The following TAF4B variants were observed in gnomAD, a reference collection of about 807,000 sequenced individuals.
TAF4B encodes the protein transcription initiation factor TFIID subunit 4B.
Under a neutral mutation model 86.4 loss-of-function variants are expected in TAF4B, and 38 were observed. That is an observed-to-expected ratio of 0.44 (90% CI 0.34 to 0.58). The LOEUF is 0.58. TAF4B is among the 20% of genes least tolerant of loss of function. TAF4B has a pLI of 0.02. For synonymous variants in TAF4B, 388 were observed against 391.2 expected (o/e 0.99, Z 0.10); for missense variants, 988 against 1,027.6 (o/e 0.96, Z 0.53).
intron 9 of TAF4B, among the ~76,000 whole-genome samples, chr18:26,299,314 A>G (rs1326074575): frequency 6.6e-6 from 1 of 152,136 alleles, no homozygotes; most frequent in Non-Finnish European, 1.5e-5. Flanking sequence ...CATCTATTTA[A>G]GGTGGTCATT....
chr18:26,256,027 C>CAAAACA, intron 1 of TAF4B: 1 of 1,257,184 alleles, frequency 8.0e-7, no homozygotes, highest in Non-Finnish European at 1.2e-6. Context: ...ATTCCTTCTG[C>CAAAACA]AGTTTACTGA....
intron 13 of TAF4B, among the ~76,000 whole-genome samples, chr18:26,357,410 C>T (rs924948314): frequency 6.6e-6 from 1 of 152,162 alleles, no homozygotes; most frequent in Non-Finnish European, 1.5e-5. Context: ...CATTTCTTAT[C>T]TGTGTTATAC....
chr18:26,319,131 T>G (rs558301470), intron 10 of TAF4B, among the ~76,000 whole-genome samples: 57 of 152,290 alleles, frequency 3.7e-4, no homozygotes, highest in Non-Finnish European at 1.9e-4. Context: ...CAGGTCGAAG[T>G]TGCAGTGGGC....
In TAF4B at chr18:26,275,005, G is replaced by T. The variant is rs1328849058; in HGVS notation, c.834G>T (p.Gln278His). 5 of 1,612,158 alleles carry T rather than the reference G, an allele frequency of 3.1e-6. No individual in the cohort carries two copies. Among genetic ancestry groups the T allele is most frequent in the Non-Finnish European group, 4.2e-6 (5 of 1,179,774 alleles). Reference protein sequence around the residue: ...MLIKLACSGSQSPEMGQNVKK... With the variant: ...MLIKLACSGSHSPEMGQNVKK... ...TAAAACTAGCATGTAGTGGATCACA[G>T]TCCCCAGAAATGGGGCAAAATGTGA... The change falls in exon 5 of 15, where the codon CAG (glutamine) becomes CAT (histidine). Residue 278 changes from glutamine (Q) to histidine (H), a missense_variant. By Grantham distance (24) the Gln-to-His change is conservative. Coordinates refer to ENST00000269142, the MANE Select transcript of TAF4B (RefSeq NM_005640.3).
At chr18:26,339,040 C>T (rs1041348617) in intron 13 of TAF4B, among the ~76,000 whole-genome samples, 12 of 152,180 alleles carry the variant, frequency 7.9e-5, no homozygotes, top group African/African-American at 2.4e-4. Flanking sequence ...ATTAACCTGA[C>T]AGGTTTTCTG....
At chr18:26,246,900 G>A (rs1242954008) in intron 1 of TAF4B, among the ~76,000 whole-genome samples, 2 of 150,292 alleles carry the variant, frequency 1.3e-5, no homozygotes, top group African/African-American at 2.5e-5. Flanking sequence ...GCCCAGGTTG[G>A]AGTGCAGTGG....
chr18:26,296,894 C>A (rs541301786), intron 9 of TAF4B, among the ~76,000 whole-genome samples: 1 of 133,922 alleles, frequency 7.5e-6, no homozygotes, highest in South Asian at 2.7e-4. Context: ...AATCCCAGCA[C>A]TTTGGGAGGC....
In TAF4B at chr18:26,346,867, A is replaced by G. The variant is rs1259282759; in HGVS notation, c.2317-10823A>G. Among the ~76,000 whole-genome samples the G allele has an allele frequency of 3.6e-3, 29 of 7,978 alleles. 2 individuals carry two copies. Among genetic ancestry groups the G allele is most frequent in the African/African-American group, 9.9e-3 (27 of 2,722 alleles). The allele number at this position is 7,978 out of a possible 152,430, so 5.2% of individuals were successfully genotyped here. ...TGTGTATATATATATATGTGTATAT[A>G]TATATATGTGTATATATATATATAT... On this transcript the variant is annotated intron_variant, in intron 13 of 14. Coordinates refer to ENST00000269142, the MANE Select transcript of TAF4B (RefSeq NM_005640.3).
chr18:26,288,589 C>T (rs1009620934), intron 7 of TAF4B, among the ~76,000 whole-genome samples: 16 of 152,048 alleles, frequency 1.1e-4, no homozygotes, highest in African/African-American at 3.6e-4. Context: ...GAGCCAAGAT[C>T]GCACCACAGC....
At chr18:26,244,737 A>G (rs1036838909) in intron 1 of TAF4B, among the ~76,000 whole-genome samples, 1 of 152,222 alleles carries the variant, frequency 6.6e-6, no homozygotes, top group African/African-American at 2.4e-5. Flanking sequence ...AATTATCCTT[A>G]TAAGAGAAAC....
At chr18:26,384,997 C>T (rs78869743) in intron 14 of TAF4B, among the ~76,000 whole-genome samples, 11,493 of 152,086 alleles carry the variant, frequency 0.076, 537 homozygotes, top group Non-Finnish European at 0.1. Flanking sequence ...GGAATCAGAA[C>T]GTAGACTAGC....
chr18:26,273,471 A>G (rs1180319520), intron 3 of TAF4B, among the ~76,000 whole-genome samples: 2 of 152,104 alleles, frequency 1.3e-5, no homozygotes, highest in Non-Finnish European at 2.9e-5. Flanking sequence ...ATGAAGGCCC[A>G]TATACCCCAA....
chr18:26,299,609 C>T (rs981738981), intron 9 of TAF4B, among the ~76,000 whole-genome samples: 1 of 152,008 alleles, frequency 6.6e-6, no homozygotes, highest in Non-Finnish European at 1.5e-5. Flanking sequence ...TGATTTCTTC[C>T]TTAAATGTAT....
chr18:26,288,093 A>T (rs1274365690), intron 7 of TAF4B, among the ~76,000 whole-genome samples: 2 of 152,200 alleles, frequency 1.3e-5, no homozygotes, highest in African/African-American at 4.8e-5. Context: ...GAATTGCCCC[A>T]AGGAAAGGCC....
chr18:26,374,491 C>T (rs1718065152), intron 14 of TAF4B, among the ~76,000 whole-genome samples: 1 of 152,164 alleles, frequency 6.6e-6, no homozygotes, highest in African/African-American at 2.4e-5. Flanking sequence ...ACTTCAGTGA[C>T]TATGAGAAGC....
intron 11 of TAF4B, among the ~76,000 whole-genome samples, chr18:26,322,468 A>T (rs2056971149): frequency 6.6e-6 from 1 of 151,812 alleles, no homozygotes; most frequent in Admixed American, 6.6e-5. Flanking sequence ...ATAAATAAAG[A>T]TATTAATTTT....
intron 9 of TAF4B, among the ~76,000 whole-genome samples, chr18:26,308,476 T>C (rs2056819566): frequency 6.6e-6 from 1 of 152,092 alleles, no homozygotes; most frequent in Admixed American, 6.5e-5. Context: ...AGGTAGGAGA[T>C]AGGGCATATC....
At chr18:26,314,047 T>C (rs1381483651) in intron 9 of TAF4B, among the ~76,000 whole-genome samples, 1 of 152,190 alleles carries the variant, frequency 6.6e-6, no homozygotes, top group African/African-American at 2.4e-5. Context: ...ATGTGTTGTT[T>C]TTTAAAGTTG....
At chr18:26,333,988 A>G (rs2057071393) in intron 12 of TAF4B, among the ~76,000 whole-genome samples, 1 of 151,944 alleles carries the variant, frequency 6.6e-6, no homozygotes, top group South Asian at 2.1e-4. Flanking sequence ...TTGGGGCAAA[A>G]TATTATATAC....
Sources: gnomAD v4.1 joint callset for allele counts (sites outside exome capture counted in the v4.1 genomes callset) on GRCh38, gnomAD v4.1.1 for gene constraint, MANE v1.5 for transcripts, NCBI Gene and HGNC (gene_info 2026-07-23, HGNC 2026-07-21) for gene names.